The following SHC2 variants were observed in gnomAD, a reference collection of about 807,000 sequenced individuals.
SHC2 encodes SHC adaptor protein 2.
A neutral mutation model predicts 60.6 loss-of-function variants in SHC2; 62 were observed. The ratio of observed to expected loss-of-function variants is 1.02; its 90% CI spans 0.83 to 1.26. The LOEUF (loss-of-function observed/expected upper bound fraction) is 1.26. Among genes scored for constraint, SHC2 ranks in the 50% most tolerant of loss-of-function variants. The probability of loss-of-function intolerance (pLI) is 0.00; values close to 1 mark genes in which losing one functional copy is unlikely to be tolerated. For missense variants in SHC2, 873 were observed against 822.2 expected, an observed-to-expected ratio of 1.06 and a Z score of -0.76; for synonymous variants, 375 against 372.4, an observed-to-expected ratio of 1.01 and a Z score of -0.08.
At position 418,982 on chromosome 19, in the gene SHC2, G is replaced by A. The variant is rs539586321; in HGVS notation, c.1695C>T (p.Ile565=). 95 of 1,585,812 alleles carry A rather than the reference G, an allele frequency of 6.0e-5. No homozygotes were observed. Among genetic ancestry groups the A allele is most frequent in the African/African-American group, 2.4e-4 (18 of 74,516 alleles). ...IDHHLQNGQP[I]VAAESELHLR... is the part of the protein sequence containing the mutation. ...GGTGCAGCTCACTCTCGGCGGCCAC[G>A]ATGGGCTGCCCGTTCTGCAGGTGGT... is the stretch of plus-strand genomic sequence containing the variant. The change falls in exon 12 of 13, where the codon ATC becomes ATT. Residue 565 remains isoleucine, a synonymous_variant. Transcript: ENST00000264554.
At chr19:448,870 C>T (rs138738517) in intron 1 of SHC2, among the ~76,000 whole-genome samples, 6 of 152,134 alleles carry the variant, frequency 3.9e-5, no homozygotes, top group Non-Finnish European at 7.4e-5. Context: ...AGAGACAGGA[C>T]GGACGGGGCA....
chr19:449,209 G>A (rs148663904), intron 1 of SHC2, among the ~76,000 whole-genome samples: 1 of 152,096 alleles, frequency 6.6e-6, no homozygotes, highest in African/African-American at 2.4e-5. Flanking sequence ...GCTGGGCGTG[G>A]TGGCACACAG....
chr19:437,212 G>A (rs1974744439), intron 4 of SHC2, among the ~76,000 whole-genome samples: 3 of 150,912 alleles, frequency 2.0e-5, no homozygotes, highest in South Asian at 4.2e-4. Context: ...GCTCGTTTGC[G>A]TGGTCATCTG....
rs577303842 is a variant in SHC2, at chr19:441,727, A to G, written c.469-795T>C. Among the ~76,000 whole-genome samples, 10 of 152,380 alleles carry G rather than the reference A, an allele frequency of 6.6e-5. No individual in the cohort carries two copies. Among genetic ancestry groups the G allele is most frequent in the African/African-American group, 2.4e-4 (10 of 41,600 alleles). On this transcript the variant is annotated intron_variant, in intron 1 of 12. Transcript: ENST00000264554. This position sits in a 1 kb window ranked among gnomAD's most constrained non-coding sequence, Gnocchi z 4.9. ...TGGGGTCATGAGAAATTCTGGAATTAGACAGAAGGGGTGGTGGCACGATAT... is the reference window on the plus strand; with the variant it reads ...TGGGGTCATGAGAAATTCTGGAATTGGACAGAAGGGGTGGTGGCACGATAT...
At chr19:451,980 C>T (rs547872084) in intron 1 of SHC2, among the ~76,000 whole-genome samples, 100 of 152,322 alleles carry the variant, frequency 6.6e-4, no homozygotes, top group Non-Finnish European at 1.0e-3. Context: ...GCCGTGGTGT[C>T]GGAGCTGCAG....
chr19:418,929 C>G lies in SHC2; in HGVS notation c.1748G>C (p.Ter583SerextTer3). The change falls in exon 12 of 13, where the codon TGA (stop) becomes TCA (serine). Residue 583 changes from the stop codon to serine, a stop_lost. Coordinates refer to ENST00000264554, the MANE Select transcript of SHC2 (RefSeq NM_012435.3). ...HLRGVVSREP[*>S] ...CACGGCGGCAGCCACACACCTGGCT[C>G]AGGGCTCCCGTGAGACCACGCCACG... 6.3e-7 allele frequency: 1 copy of G among 1,585,328 alleles called. No homozygotes were observed. The highest frequency in any genetic ancestry group is 2.3e-5 in the East Asian group (1 of 43,652).
chr19:455,415 G>A (rs1209205832), intron 1 of SHC2, among the ~76,000 whole-genome samples: 5 of 152,218 alleles, frequency 3.3e-5, no homozygotes, highest in African/African-American at 9.6e-5. Context: ...AGGGCTCCTC[G>A]GAACTCAGCA....
At chr19:437,442 T>C (rs895602661) in intron 4 of SHC2, among the ~76,000 whole-genome samples, 1 of 152,024 alleles carries the variant, frequency 6.6e-6, no homozygotes, top group African/African-American at 2.4e-5. Context: ...CTCAAATCCC[T>C]CTAGGCCCCA....
At position 422,014 on chromosome 19, in the gene SHC2, CCGAGACCCT is replaced by C. The variant is rs1264344655; in HGVS notation, c.1620+123_1620+131del. On this transcript the variant is annotated intron_variant, in intron 11 of 12. Coordinates refer to ENST00000264554, the MANE Select transcript of SHC2 (RefSeq NM_012435.3). This position sits in a 1 kb window ranked among gnomAD's most constrained non-coding sequence, Gnocchi z 5.0. ...TAAACATGGAAAGCTCCTGCATGCC[CCGAGACCCT>C]CGAGACCCTTGAGACCCTCCCACCT... 1 of 978,690 alleles carries C rather than the reference CCGAGACCCT, an allele frequency of 1.0e-6. No individual in the cohort carries two copies. Among genetic ancestry groups the C allele is most frequent in the Non-Finnish European group, 1.5e-6 (1 of 688,220 alleles). The allele number at this position is 978,690 out of a possible 1,614,324, so 60.6% of individuals were successfully genotyped here. A position where few individuals can be genotyped will look rare whatever the true frequency, so the allele number is the denominator to read the frequency against.
chr19:439,577 C>T (rs1160143759), intron 2 of SHC2: 2 of 154,208 alleles, frequency 1.3e-5, no homozygotes, highest in Admixed American at 1.3e-4. Flanking sequence ...CCGGAAATGT[C>T]GGCGTCACGT....
chr19:436,443 G>A lies in SHC2; in HGVS notation c.775-12C>T. On this transcript the variant is annotated splice_polypyrimidine_tract_variant and intron_variant, in intron 5 of 12. Transcript: ENST00000264554. ...TAATCCGTCATGTCCTGGGGGCGGG[G>A]AGGGGCCAGCTGGACCTGCCTGGGC... The A allele has an allele frequency of 1.2e-6, 2 of 1,602,118 alleles. No individual in the cohort carries two copies. Among genetic ancestry groups the A allele is most frequent in the Non-Finnish European group, 1.7e-6 (2 of 1,174,170 alleles).
Position 425,416 on chromosome 19 carries a change from A to G in SHC2, c.1175-185T>C, listed in dbSNP as rs903623822. Among the ~76,000 whole-genome samples the G allele has an allele frequency of 6.6e-6, 1 of 152,144 alleles. No homozygotes were observed. The highest frequency in any genetic ancestry group is 1.5e-5 in the Non-Finnish European group (1 of 67,996). ...GCAGGTGCCACAGGGAGCATCTTACAGCAGCAAAGCCCCGTCGGGGCTCCA... is the reference window on the plus strand; with the variant it reads ...GCAGGTGCCACAGGGAGCATCTTACGGCAGCAAAGCCCCGTCGGGGCTCCA... On this transcript the variant is annotated intron_variant, in intron 9 of 12. Transcript: ENST00000264554. The surrounding 1 kb of genome is among the most constrained non-coding windows in gnomAD (Gnocchi z 4.1).
At chr19:450,009 C>A (rs980208829) in intron 1 of SHC2, among the ~76,000 whole-genome samples, 3 of 152,242 alleles carry the variant, frequency 2.0e-5, no homozygotes, top group African/African-American at 7.2e-5. Context: ...CAGTGCCGCC[C>A]TCCACCCCTG....
Position 460,918 on chromosome 19 carries a change from C to T in SHC2, c.79G>A (p.Ala27Thr), listed in dbSNP as rs1238141235. The T allele has an allele frequency of 3.0e-6, 3 of 989,776 alleles. No individual in the cohort carries two copies. Among genetic ancestry groups the T allele is most frequent in the Non-Finnish European group, 3.6e-6 (3 of 834,246 alleles). 61.3% of individuals were successfully genotyped at this position (989,776 alleles called of 1,614,324 possible). ...CACTGCGGCATTCGGGGCAGCAACG[C>T]GCAGAAGGTGGTGGGCGCCTCGGGC... ...PEPEAPTTFC[A>T]LLPRMPQWKF... Residue 27 changes from alanine (A) to threonine (T), a missense_variant, in exon 1 of 13, where the codon GCG (alanine) becomes ACG (threonine). Ala to Thr is a moderately conservative substitution (Grantham distance 58, BLOSUM62 0). Transcript: ENST00000264554.
In SHC2 at chr19:460,590, G is replaced by A; in HGVS notation, c.407C>T (p.Ala136Val). 7.1e-7 allele frequency: 1 copy of A among 1,409,670 alleles called. No homozygotes were observed. Among genetic ancestry groups the A allele is most frequent in the Non-Finnish European group, 9.3e-7 (1 of 1,074,682 alleles). The allele number at this position is 1,409,670 out of a possible 1,614,324, so 87.3% of individuals were successfully genotyped here. The change falls in exon 1 of 13, where the codon GCG becomes GTG. Residue 136 changes from alanine to valine, a missense_variant. Physicochemically the swap from Ala to Val is moderately conservative, Grantham distance 64 (BLOSUM62 0). Transcript: ENST00000264554. ...GGCGTCGGGGTGTAGCCAGCCGTGC[G>A]CGGGTTTGTGGATGAAGCTGCCCTT... ...IRKGSFIHKP[A>V]HGWLHPDARV...
intron 11 of SHC2, among the ~76,000 whole-genome samples, chr19:421,416 A>G (rs1381374384): frequency 6.9e-6 from 1 of 145,162 alleles, no homozygotes; most frequent in Non-Finnish European, 1.5e-5. Context: ...AAAAAAAAAA[A>G]GAAAAGAAAA....
chr19:428,656 G>A (rs1469399389), intron 9 of SHC2, among the ~76,000 whole-genome samples: 1 of 152,188 alleles, frequency 6.6e-6, no homozygotes, highest in Non-Finnish European at 1.5e-5. Flanking sequence ...GATCAGGGAG[G>A]CAAAGAAAAC....
rs868034918 is a variant in SHC2 at position 457,316 on chromosome 19, C to A, written c.468+3213G>T. Among the ~76,000 whole-genome samples, 190 of 111,950 alleles carry A rather than the reference C, an allele frequency of 1.7e-3. 2 individuals carry two copies. The highest frequency in any genetic ancestry group is 1.9e-3 in the Non-Finnish European group (109 of 56,518). 73.4% of individuals were successfully genotyped at this position (111,950 alleles called of 152,430 possible). ...TTGCACCTGCACCTGCTGTACCCCCCCTAGATCTCTGTCTGCAAACCCACC... is the reference window on the plus strand; with the variant it reads ...TTGCACCTGCACCTGCTGTACCCCCACTAGATCTCTGTCTGCAAACCCACC... On this transcript the variant is annotated intron_variant, in intron 1 of 12. Coordinates refer to ENST00000264554, the MANE Select transcript of SHC2 (RefSeq NM_012435.3).
intron 9 of SHC2, 113 bp downstream of exon 9, chr19:430,571 G>A (rs1190662229): frequency 1.4e-5 from 11 of 790,238 alleles, no homozygotes; most frequent in Non-Finnish European, 2.0e-5. Flanking sequence ...CGATCTCATA[G>A]ATTAATGTGA....
Sources: allele counts gnomAD v4.1 joint callset (sites outside exome capture counted in the v4.1 genomes callset), GRCh38; gene constraint gnomAD v4.1.1; non-coding constraint Gnocchi (gnomAD v3.1); transcripts MANE v1.5; gene names NCBI Gene and HGNC (gene_info 2026-07-23, HGNC 2026-07-21).